NEURL1: variants seen among roughly 807,000 people sequenced by gnomAD.
NEURL1 encodes the protein E3 ubiquitin-protein ligase NEURL1.
Under a neutral mutation model 41.2 loss-of-function variants are expected in NEURL1, and 26 were observed. That is an observed-to-expected ratio of 0.63 (90% CI 0.46 to 0.87). The LOEUF (loss-of-function observed/expected upper bound fraction) is 0.87. NEURL1 is among the 40% of genes least tolerant of loss of function. The pLI is 0.00. For missense variants in NEURL1, 761 were observed against 871.1 expected, an observed-to-expected ratio of 0.87 and a Z score of 1.59; for synonymous variants, 400 against 402.3, an observed-to-expected ratio of 0.99 and a Z score of 0.07.
intron 1 of NEURL1, among the ~76,000 whole-genome samples, chr10:103,507,958 G>A (rs975894510): frequency 1.3e-5 from 2 of 152,292 alleles, no homozygotes; most frequent in South Asian, 2.1e-4. Context: ...GGCCAAGGTT[G>A]CTCTGGCTTT....
chr10:103,555,707 CT>C (rs2035138632), intron 1 of NEURL1, among the ~76,000 whole-genome samples: 1 of 152,120 alleles, frequency 6.6e-6, no homozygotes, highest in Non-Finnish European at 1.5e-5. Context: ...CTCTTACCTC[CT>C]TGTCCTCTTA....
Position 103,584,636 on chromosome 10 carries a change from G to A in NEURL1, c.750G>A (p.Val250=). 2.8e-6 allele frequency: 4 copies of A among 1,423,162 alleles called. No individual in the cohort carries two copies. The highest frequency in any genetic ancestry group is 3.7e-6 in the Non-Finnish European group (4 of 1,094,984). 88.2% of individuals were successfully genotyped at this position (1,423,162 alleles called of 1,614,324 possible). A position where few individuals can be genotyped will look rare whatever the true frequency, so the allele number is the denominator to read the frequency against. The part of the protein sequence containing the change: ...RREADDARLS[V]SLCDLNVPGA... The stretch of plus-strand genomic sequence containing the variant: ...AGGCGGACGACGCGCGCCTCTCGGT[G>A]AGCCTATGCGACCTCAACGTGCCGG... Residue 250 remains valine (V), a synonymous_variant, in exon 4 of 6, where the codon GTG becomes GTA. Coordinates refer to ENST00000369780, the MANE Select transcript of NEURL1 (RefSeq NM_004210.5).
chr10:103,520,012 A>G (rs12268523), intron 1 of NEURL1, among the ~76,000 whole-genome samples: 75,131 of 151,816 alleles, frequency 0.49, 19,357 homozygotes, highest in African/African-American at 0.62. Flanking sequence ...TCACACTCCT[A>G]GCCTCAAGCA....
chr10:103,579,050 C>T (rs777209397), intron 3 of NEURL1, among the ~76,000 whole-genome samples: 1 of 152,250 alleles, frequency 6.6e-6, no homozygotes. Flanking sequence ...CAAGCTCTGC[C>T]TCAAAGGAGG....
At chr10:103,574,289 C>A (rs1439898050) in intron 3 of NEURL1, among the ~76,000 whole-genome samples, 2 of 152,238 alleles carry the variant, frequency 1.3e-5, no homozygotes, top group East Asian at 3.8e-4. Context: ...CAGTAAATCA[C>A]TAACCGCTGT....
intron 1 of NEURL1, among the ~76,000 whole-genome samples, chr10:103,567,607 A>G (rs2035452945): frequency 6.6e-6 from 1 of 151,728 alleles, no homozygotes; most frequent in Non-Finnish European, 1.5e-5. Flanking sequence ...TTTGTTCCCC[A>G]AGCCGGTCTC....
intron 1 of NEURL1, among the ~76,000 whole-genome samples, chr10:103,553,972 C>T (rs1236623996): frequency 6.6e-6 from 1 of 152,224 alleles, no homozygotes; most frequent in African/African-American, 2.4e-5. Context: ...AGTCCTGGTC[C>T]TGCCTGTGAC....
chr10:103,587,080 G>T (rs922057040), intron 4 of NEURL1, among the ~76,000 whole-genome samples: 1 of 151,904 alleles, frequency 6.6e-6, no homozygotes, highest in Non-Finnish European at 1.5e-5. Context: ...GAAAGAAAGA[G>T]AAAGAGAAAA....
rs981015578 is a variant in NEURL1 at position 103,566,695 on chromosome 10, C to A, written c.86-4177C>A. 2.6e-5 allele frequency among the ~76,000 whole-genome samples: 4 copies of A among 152,092 alleles called. No individual in the cohort carries two copies. Among genetic ancestry groups the A allele is most frequent in the African/African-American group, 9.7e-5 (4 of 41,402 alleles). ...TCATTGTGTGGACATGTTTTCATTTCTTGTGGGGAAATGCCTGGAAGTGTG... is the reference window on the plus strand; with the variant it reads ...TCATTGTGTGGACATGTTTTCATTTATTGTGGGGAAATGCCTGGAAGTGTG... On this transcript the variant is annotated intron_variant, in intron 1 of 5. Transcript: ENST00000369780. This position sits in a 1 kb window ranked among gnomAD's most constrained non-coding sequence, Gnocchi z 4.2.
At chr10:103,580,178 G>A (rs2035756773) in intron 3 of NEURL1, among the ~76,000 whole-genome samples, 1 of 152,062 alleles carries the variant, frequency 6.6e-6, no homozygotes, top group African/African-American at 2.4e-5. Flanking sequence ...TCTGGCCCAG[G>A]GTGTTGGTAG....
chr10:103,590,399 C>A lies in NEURL1; in HGVS notation c.*27C>A. The A allele has an allele frequency of 6.4e-7, 1 of 1,568,420 alleles. No homozygotes were observed. The highest frequency in any genetic ancestry group is 1.3e-5 in the African/African-American group (1 of 74,172). ...CCGTTGCGGTGGCCCATCCCGCATACCCATCTTCTCGGGCTTCAGCCCAGT... is the reference window on the plus strand; with the variant it reads ...CCGTTGCGGTGGCCCATCCCGCATAACCATCTTCTCGGGCTTCAGCCCAGT... On this transcript the variant is annotated 3_prime_UTR_variant, in exon 6 of 6. Coordinates refer to ENST00000369780, the MANE Select transcript of NEURL1 (RefSeq NM_004210.5).
intron 1 of NEURL1, among the ~76,000 whole-genome samples, chr10:103,534,308 A>T (rs1408178451): frequency 1.3e-5 from 2 of 151,268 alleles, no homozygotes; most frequent in African/African-American, 4.9e-5. Flanking sequence ...TGGTGGTGTC[A>T]TATTTTCTTG....
chr10:103,548,523 A>T (rs190561327), intron 1 of NEURL1, among the ~76,000 whole-genome samples: 1 of 151,628 alleles, frequency 6.6e-6, no homozygotes, highest in East Asian at 1.9e-4. Context: ...GGGTTTCATC[A>T]TGTTGGCCAG....
chr10:103,551,815 C>T (rs2035037561), intron 1 of NEURL1, among the ~76,000 whole-genome samples: 1 of 152,162 alleles, frequency 6.6e-6, no homozygotes, highest in Admixed American at 6.5e-5. Context: ...TGTGGGAAAA[C>T]CCTTTTAGAC....
rs2133889258 is a variant in NEURL1, at chr10:103,592,363, GGA to G, written c.*1994_*1995del. ...CTCCACTACCCAGTCACTGACCCTGGGAGACCCCTTCTGTGTGGGAGGGAGCG... is the reference window on the plus strand; with the variant it reads ...CTCCACTACCCAGTCACTGACCCTGGGACCCCTTCTGTGTGGGAGGGAGCG... On this transcript the variant is annotated 3_prime_UTR_variant, in exon 6 of 6. Transcript: ENST00000369780. This position sits in a 1 kb window ranked among gnomAD's most constrained non-coding sequence, Gnocchi z 4.8. 6.5e-6 allele frequency: 1 copy of G among 152,692 alleles called. No individual in the cohort carries two copies. Among genetic ancestry groups the G allele is most frequent in the South Asian group, 2.1e-4 (1 of 4,824 alleles). 9.5% of individuals were successfully genotyped at this position (152,692 alleles called of 1,614,324 possible).
intron 1 of NEURL1, among the ~76,000 whole-genome samples, chr10:103,497,690 G>A (rs2033718103): frequency 1.3e-5 from 2 of 152,312 alleles, no homozygotes; most frequent in South Asian, 2.1e-4. Context: ...GTCTAGGAGT[G>A]TTCAGGGGAG....
At chr10:103,535,441 C>T (rs947967236) in intron 1 of NEURL1, among the ~76,000 whole-genome samples, 1 of 152,170 alleles carries the variant, frequency 6.6e-6, no homozygotes, top group Non-Finnish European at 1.5e-5. Flanking sequence ...ACTGATTCCC[C>T]AGGAGCTGGT....
At chr10:103,522,423 C>CATG (rs2034371212) in intron 1 of NEURL1, among the ~76,000 whole-genome samples, 2 of 149,978 alleles carry the variant, frequency 1.3e-5, no homozygotes, top group African/African-American at 4.9e-5. Context: ...GCCTGACCAA[C>CATG]GTGAAGAAAC....
chr10:103,580,253 G>A (rs758207041), intron 3 of NEURL1, among the ~76,000 whole-genome samples: 1 of 152,206 alleles, frequency 6.6e-6, no homozygotes, highest in Admixed American at 6.5e-5. Context: ...TGAATGATGG[G>A]ACATGCAAGG....
Sources: gnomAD v4.1 joint callset for allele counts (sites outside exome capture counted in the v4.1 genomes callset) on GRCh38, gnomAD v4.1.1 for gene constraint, Gnocchi (gnomAD v3.1) non-coding constraint, MANE v1.5 for transcripts, NCBI Gene and HGNC (gene_info 2026-07-23, HGNC 2026-07-21) for gene names.